Variants in PTPRK observed in about 807,000 individuals in gnomAD.
The protein encoded by PTPRK is protein tyrosine phosphatase receptor type K.
A neutral mutation model predicts 178.0 loss-of-function variants in PTPRK; 75 were observed. The ratio of observed to expected loss-of-function variants is 0.42; its 90% CI spans 0.35 to 0.51. The LOEUF is 0.51. Ranked by LOEUF, PTPRK falls within the 20% of genes least tolerant of loss-of-function variation. PTPRK has a pLI of 0.02. For missense variants in PTPRK, 1,441 were observed against 1,797.8 expected, an observed-to-expected ratio of 0.80 and a Z score of 3.59; for synonymous variants, 637 against 620.6, an observed-to-expected ratio of 1.03 and a Z score of -0.39.
intron 1 of PTPRK, among the ~76,000 whole-genome samples, chr6:128,413,224 G>A (rs975447594): frequency 2.0e-5 from 3 of 152,110 alleles, no homozygotes; most frequent in African/African-American, 4.8e-5. Flanking sequence ...CACAAAGGAA[G>A]AGAAAGGAAA....
Position 128,144,396 on chromosome 6 carries a change from G to A in PTPRK, c.1162+40036C>T, listed in dbSNP as rs147430644. Among the ~76,000 whole-genome samples the A allele has an allele frequency of 2.8e-4, 42 of 152,194 alleles. No individual in the cohort carries two copies. In the East Asian group the frequency reaches 7.9e-3, roughly 29 times the overall value. On this transcript the variant is annotated intron_variant, in intron 7 of 29. Coordinates refer to ENST00000368226, the MANE Select transcript of PTPRK (RefSeq NM_002844.4). ...ATGATCAACATGGTGAGCACACTTC[G>A]AGTTGCCTTGCCCTACTGCATCAAA...
At chr6:128,397,418 C>T in intron 2 of PTPRK, 148 bp downstream of exon 2, 1 of 840,502 alleles carries the variant, frequency 1.2e-6, no homozygotes, top group South Asian at 3.2e-5. Context: ...AAGGGAAAGG[C>T]AAAGAATAAG....
At chr6:128,361,819 T>G (rs1834801191) in intron 2 of PTPRK, among the ~76,000 whole-genome samples, 1 of 152,184 alleles carries the variant, frequency 6.6e-6, no homozygotes, top group Non-Finnish European at 1.5e-5. Flanking sequence ...AATGACTACA[T>G]TTAAATAATA....
In PTPRK at chr6:128,325,896, A is replaced by G. The variant is rs145775213; in HGVS notation, c.224-3586T>C. ...TATGTTTACTGCAGCACTATTCACA[A>G]TAGCAAAGACTTGGAACCAACCCAA... On this transcript the variant is annotated intron_variant, in intron 2 of 29. Transcript: ENST00000368226. 9.7e-3 allele frequency among the ~76,000 whole-genome samples: 1,481 copies of G among 152,304 alleles called. 21 individuals are homozygous for G. The highest frequency in any genetic ancestry group is 0.033 in the African/African-American group (1,364 of 41,566).
intron 3 of PTPRK, among the ~76,000 whole-genome samples, chr6:128,287,647 T>C (rs899352803): frequency 4.6e-5 from 7 of 152,168 alleles, no homozygotes; most frequent in East Asian, 1.9e-4. Flanking sequence ...CTAGACACCA[T>C]TGCCCTTAAC....
intron 13 of PTPRK, among the ~76,000 whole-genome samples, chr6:128,044,106 C>T (rs1777646613): frequency 6.6e-6 from 1 of 151,932 alleles, no homozygotes; most frequent in Admixed American, 6.6e-5. Flanking sequence ...CAATCCTCAT[C>T]CTATCTGGGA....
At chr6:128,435,913 A>G (rs1443750564) in intron 1 of PTPRK, among the ~76,000 whole-genome samples, 2 of 152,076 alleles carry the variant, frequency 1.3e-5, no homozygotes, top group Admixed American at 1.3e-4. Flanking sequence ...TTTTGGCATT[A>G]TAACAGGATG....
intron 7 of PTPRK, among the ~76,000 whole-genome samples, chr6:128,173,513 C>T (rs1562724003): frequency 6.6e-6 from 1 of 151,960 alleles, no homozygotes. Context: ...ATCTGTATAT[C>T]CTGCTGTCTG....
chr6:128,344,251 A>G (rs1362880466), intron 2 of PTPRK, among the ~76,000 whole-genome samples: 5 of 152,126 alleles, frequency 3.3e-5, no homozygotes, highest in Admixed American at 3.3e-4. Flanking sequence ...TATGTTTCTT[A>G]TGCCATCCTC....
intron 6 of PTPRK, among the ~76,000 whole-genome samples, chr6:128,213,441 T>G (rs945229273): frequency 6.6e-6 from 1 of 152,062 alleles, no homozygotes; most frequent in Non-Finnish European, 1.5e-5. Flanking sequence ...AAAATTAGTA[T>G]GTGATTCAGT....
At chr6:128,452,588 C>T (rs1847926622) in intron 1 of PTPRK, among the ~76,000 whole-genome samples, 1 of 152,082 alleles carries the variant, frequency 6.6e-6, no homozygotes. Context: ...TTACTGAGTG[C>T]TCATTTCCAA....
intron 7 of PTPRK, among the ~76,000 whole-genome samples, chr6:128,141,255 T>C (rs1188987109): frequency 6.6e-6 from 1 of 151,916 alleles, no homozygotes; most frequent in African/African-American, 2.4e-5. Flanking sequence ...GTAATACAAA[T>C]TTCCTTAAAG....
At chr6:128,070,835 T>C (rs1000622447) in intron 11 of PTPRK, among the ~76,000 whole-genome samples, 12 of 151,630 alleles carry the variant, frequency 7.9e-5, no homozygotes, top group African/African-American at 2.4e-4. Context: ...GAAACCACAC[T>C]GGAATATGTG....
At chr6:128,442,111 T>C (rs1331294379) in intron 1 of PTPRK, among the ~76,000 whole-genome samples, 3 of 152,234 alleles carry the variant, frequency 2.0e-5, no homozygotes, top group Non-Finnish European at 2.9e-5. Context: ...AAATACTTCA[T>C]AATGTTCTTT....
chr6:128,304,643 T>A (rs1826110273), intron 3 of PTPRK, among the ~76,000 whole-genome samples: 1 of 152,142 alleles, frequency 6.6e-6, no homozygotes, highest in South Asian at 2.1e-4. Context: ...CTCTACCAAT[T>A]GCTAAGTTTA....
In PTPRK at chr6:128,255,045, C is replaced by T. The variant is rs62427873; in HGVS notation, c.496-12443G>A. On this transcript the variant is annotated intron_variant, in intron 3 of 29. Coordinates refer to ENST00000368226, the MANE Select transcript of PTPRK (RefSeq NM_002844.4). The stretch of plus-strand genomic sequence containing the variant: ...TTGCTCTATCGCCCAGGCTGGAGTA[C>T]AGTGACGCGATCTCAGCTCACCACA... Among the ~76,000 whole-genome samples the T allele has an allele frequency of 9.9e-3, 1,510 of 152,278 alleles. 21 individuals are homozygous for T. Among genetic ancestry groups the T allele is most frequent in the Non-Finnish European group, 0.016 (1,116 of 68,012 alleles).
intron 7 of PTPRK, among the ~76,000 whole-genome samples, chr6:128,141,446 C>T (rs762195877): frequency 6.6e-6 from 1 of 151,806 alleles, no homozygotes; most frequent in Non-Finnish European, 1.5e-5. Flanking sequence ...TTCTAAAAGA[C>T]ATAAATATGT....
rs763877925 is a variant in PTPRK, at chr6:127,996,943, CT to C, written c.2724del (p.Asp909IlefsTer13). On this transcript the variant is annotated frameshift_variant, in exon 17 of 30. Transcript: ENST00000368226. LOFTEE classifies it high-confidence loss of function. ...GQSASWDVAK[K>X]DQNRAKNRYG... ...TATCGGTTTTTTGCTCTATTTTGAT[CT>C]TTTTTAGCTACATCCCAAGATGCTG... The C allele has an allele frequency of 6.2e-7, 1 of 1,611,732 alleles. No homozygotes were observed.
chr6:128,179,576 A>C (rs1284011350), intron 7 of PTPRK, among the ~76,000 whole-genome samples: 1 of 152,040 alleles, frequency 6.6e-6, no homozygotes, highest in Non-Finnish European at 1.5e-5. Flanking sequence ...ATTTCAAAAA[A>C]ATTTAAAGCA....
Sources: gnomAD v4.1 joint callset for allele counts (sites outside exome capture counted in the v4.1 genomes callset) on GRCh38, gnomAD v4.1.1 for gene constraint, MANE v1.5 for transcripts, NCBI Gene and HGNC (gene_info 2026-07-23, HGNC 2026-07-21) for gene names.